The following SNX30 variants were observed in gnomAD, a reference collection of about 807,000 sequenced individuals.
SNX30 encodes sorting nexin family member 30.
SNX30 carries 24 observed loss-of-function variants against 46.4 expected under a neutral mutation model. That is an observed-to-expected ratio of 0.52 (90% CI 0.37 to 0.73). SNX30 has a LOEUF of 0.73. SNX30 is among the 30% of genes least tolerant of loss of function. The pLI, the probability that SNX30 is intolerant of heterozygous loss-of-function variation, is 0.00. For missense variants in SNX30, 533 were observed against 555.7 expected (o/e 0.96, Z 0.41); for synonymous variants, 189 against 211.5 (o/e 0.89, Z 0.92).
chr9:112,751,676 G>T (rs2131340101), intron 1 of SNX30, among the ~76,000 whole-genome samples: 1 of 152,286 alleles, frequency 6.6e-6, no homozygotes, highest in African/African-American at 2.4e-5. Flanking sequence ...TTTGTCCTGA[G>T]GAGTCACCTG....
intron 7 of SNX30, among the ~76,000 whole-genome samples, chr9:112,861,869 A>G (rs1295012238): frequency 2.6e-5 from 4 of 152,158 alleles, no homozygotes; most frequent in African/African-American, 4.8e-5. Context: ...CGATCTTCCC[A>G]GGTTGGCCGC....
intron 3 of SNX30, among the ~76,000 whole-genome samples, chr9:112,826,730 A>C (rs1172604360): frequency 1.3e-5 from 2 of 152,200 alleles, no homozygotes; most frequent in Non-Finnish European, 2.9e-5. Flanking sequence ...CCTGGTTCTC[A>C]CTTCAGAAAG....
chr9:112,831,168 A>C lies in SNX30; in HGVS notation c.618+285A>C, dbSNP rs139081213. ...AAAAAAAAAAAAAAAAGCGGTTTTG[A>C]TCTTTCAGAAGCCACCTTCATGAGC... On this transcript the variant is annotated intron_variant, in intron 4 of 8. Transcript: ENST00000374232. Among the ~76,000 whole-genome samples the C allele has an allele frequency of 3.1e-4, 47 of 150,538 alleles. No individual in the cohort carries two copies. The East Asian group carries it at 8.0e-3, about 26-fold the overall frequency.
At chr9:112,788,154 T>C (rs1308746755) in intron 1 of SNX30, among the ~76,000 whole-genome samples, 1 of 152,090 alleles carries the variant, frequency 6.6e-6, no homozygotes, top group Non-Finnish European at 1.5e-5. Flanking sequence ...GCACCTGCTA[T>C]TGGAAGTTGA....
At position 112,873,226 on chromosome 9, in the gene SNX30, T is replaced by C. The variant is rs150991059; in HGVS notation, c.*4383T>C. 6.4e-3 allele frequency: 969 copies of C among 152,338 alleles called. 16 individuals carry two copies. The highest frequency in any genetic ancestry group is 0.022 in the African/African-American group (917 of 41,562). The allele number at this position is 152,338 out of a possible 1,614,324, so 9.4% of individuals were successfully genotyped here. A position where few individuals can be genotyped will look rare whatever the true frequency, so the allele number is the denominator to read the frequency against. ...GTAGTTTTTACTACTACAGAGAGTC[T>C]GTAAATAAGTGCTTTAAAAAAATAA... On this transcript the variant is annotated 3_prime_UTR_variant, in exon 9 of 9. Transcript: ENST00000374232.
chr9:112,779,003 C>T (rs1049663769), intron 1 of SNX30, among the ~76,000 whole-genome samples: 3 of 152,162 alleles, frequency 2.0e-5, no homozygotes, highest in African/African-American at 7.2e-5. Flanking sequence ...TCTTGAAGCA[C>T]AAATGGGCAT....
At chr9:112,847,658 C>T (rs1840960097) in intron 6 of SNX30, among the ~76,000 whole-genome samples, 1 of 152,118 alleles carries the variant, frequency 6.6e-6, no homozygotes, top group Non-Finnish European at 1.5e-5. Flanking sequence ...GTTAAAGAAT[C>T]ATCTGTCTTC....
Position 112,751,118 on chromosome 9 carries a change from C to T in SNX30, c.117C>T (p.Pro39=). ...AGGCCGTGGGTGGTGACAGCACGCC[C>T]AGCCCGGACCTGCTGATGGCCCGCA... ...SEEAVGGDST[P]SPDLLMARSF... is the part of the protein sequence containing the mutation. Residue 39 remains proline, a synonymous_variant, in exon 1 of 9, where the codon CCC becomes CCT. Transcript: ENST00000374232. 1 of 1,516,012 alleles carries T rather than the reference C, an allele frequency of 6.6e-7. No homozygotes were observed. The highest frequency in any genetic ancestry group is 8.8e-7 in the Non-Finnish European group (1 of 1,140,458). 93.9% of individuals were successfully genotyped at this position (1,516,012 alleles called of 1,614,324 possible). A position where few individuals can be genotyped will look rare whatever the true frequency, so the allele number is the denominator to read the frequency against.
At chr9:112,778,213 G>C (rs1269359503) in intron 1 of SNX30, among the ~76,000 whole-genome samples, 1 of 151,754 alleles carries the variant, frequency 6.6e-6, no homozygotes, top group Non-Finnish European at 1.5e-5. Context: ...AGTGGAAATT[G>C]CTGGGCCATA....
At chr9:112,792,755 T>C (rs2067931431) in intron 1 of SNX30, among the ~76,000 whole-genome samples, 1 of 152,238 alleles carries the variant, frequency 6.6e-6, no homozygotes, top group South Asian at 2.1e-4. Context: ...TTGTTCAGAT[T>C]TCCTAAGTTT....
chr9:112,840,359 A>C (rs926499746), intron 6 of SNX30, among the ~76,000 whole-genome samples: 2 of 152,222 alleles, frequency 1.3e-5, no homozygotes, highest in Non-Finnish European at 2.9e-5. Flanking sequence ...ACTTTTATTA[A>C]AAAAAATTGG....
intron 6 of SNX30, among the ~76,000 whole-genome samples, chr9:112,847,884 T>C (rs907823173): frequency 1.3e-5 from 2 of 152,236 alleles, no homozygotes; most frequent in Non-Finnish European, 2.9e-5. Flanking sequence ...CATTCCTGTT[T>C]TATTTTTCCT....
chr9:112,762,802 G>A (rs559590022), intron 1 of SNX30, among the ~76,000 whole-genome samples: 2 of 152,358 alleles, frequency 1.3e-5, no homozygotes, highest in South Asian at 2.1e-4. Context: ...CAGAGGCGAC[G>A]TTACCAAGCC....
At chr9:112,789,294 C>T (rs1000717468) in intron 1 of SNX30, among the ~76,000 whole-genome samples, 1 of 152,112 alleles carries the variant, frequency 6.6e-6, no homozygotes, top group Non-Finnish European at 1.5e-5. Flanking sequence ...GGAAATGCCT[C>T]TCGCCCTTGA....
chr9:112,822,013 A>G (rs535924959), intron 3 of SNX30, among the ~76,000 whole-genome samples: 140 of 152,116 alleles, frequency 9.2e-4, no homozygotes, highest in African/African-American at 2.9e-3. Context: ...TCTTGGGCTC[A>G]AGTGATCTTC....
In SNX30 at chr9:112,836,245, C is replaced by T; in HGVS notation, c.650C>T (p.Ala217Val). ...DLNAYKKQGI[A>V]LLTRMGESVK... The stretch of plus-strand genomic sequence containing the variant: ...AACGCCTACAAGAAGCAAGGGATAG[C>T]ATTGCTGACCAGAATGGGCGAGTCA... The change falls in exon 5 of 9, where the codon GCA (alanine) becomes GTA (valine). Residue 217 changes from alanine to valine, a missense_variant. Physicochemically the swap from Ala to Val is moderately conservative, Grantham distance 64. This residue lies in a region of SNX30 where 81 missense variants were observed against 124.4 expected (regional missense o/e 0.65). Transcript: ENST00000374232. The T allele has an allele frequency of 6.2e-7, 1 of 1,607,464 alleles. No individual in the cohort carries two copies. The highest frequency in any genetic ancestry group is 8.5e-7 in the Non-Finnish European group (1 of 1,174,332).
intron 3 of SNX30, among the ~76,000 whole-genome samples, chr9:112,830,386 TTTTTCTTCTTTTC>T (rs941475498): frequency 2.0e-5 from 3 of 152,092 alleles, no homozygotes; most frequent in Non-Finnish European, 2.9e-5. Flanking sequence ...TTTCTTTTTC[TTTTTCTTCTTTTC>T]TTTTCTTCTT....
chr9:112,750,342 C>T (rs1166844259), upstream of SNX30: 1 of 152,220 alleles, frequency 6.6e-6, no homozygotes, highest in Non-Finnish European at 1.5e-5. Flanking sequence ...CGATATGGGT[C>T]GTAATTCCGT....
At chr9:112,758,667 G>T (rs1490254666) in intron 1 of SNX30, among the ~76,000 whole-genome samples, 1 of 152,058 alleles carries the variant, frequency 6.6e-6, no homozygotes, top group Non-Finnish European at 1.5e-5. Flanking sequence ...AAATGCTGAG[G>T]TTACAGTTGT....
Sources: gnomAD v4.1 joint callset for allele counts (sites outside exome capture counted in the v4.1 genomes callset) on GRCh38, gnomAD v4.1.1 for gene constraint, gnomAD v4.1.1 regional missense constraint, MANE v1.5 for transcripts, NCBI Gene and HGNC (gene_info 2026-07-23, HGNC 2026-07-21) for gene names.